KCNK10: variants seen among roughly 807,000 people sequenced by gnomAD.
KCNK10 encodes the protein potassium two pore domain channel subfamily K member 10.
A neutral mutation model predicts 47.7 loss-of-function variants in KCNK10; 25 were observed. The observed-to-expected ratio is 0.52, with a 90% CI of 0.38 to 0.73. The LOEUF (loss-of-function observed/expected upper bound fraction) is 0.73. Among genes scored for constraint, KCNK10 ranks in the 30% least tolerant of loss-of-function variants. KCNK10 has a pLI of 0.00. For missense variants in KCNK10, 563 were observed against 714.5 expected, an observed-to-expected ratio of 0.79 and a Z score of 2.42; for synonymous variants, 303 against 285.6, an observed-to-expected ratio of 1.06 and a Z score of -0.61.
Position 88,186,069 on chromosome 14 carries a change from C to T in KCNK10, c.1098G>A (p.Glu366=). The T allele has an allele frequency of 1.9e-6, 3 of 1,612,706 alleles. No individual in the cohort carries two copies. Among genetic ancestry groups the T allele is most frequent in the South Asian group, 2.2e-5 (2 of 91,020 alleles). The part of the protein sequence containing the change: ...FRETRRRLSV[E]IHDKLQRAAT... ...CCGCCCGCTGCAGCTTATCGTGGATCTCCACGCTGAGCCTTCGCCGTGTCT... is the reference window on the plus strand; with the variant it reads ...CCGCCCGCTGCAGCTTATCGTGGATTTCCACGCTGAGCCTTCGCCGTGTCT... Residue 366 remains glutamate, a synonymous_variant, in exon 7 of 7, where the codon GAG becomes GAA. Transcript: ENST00000319231. This position sits in a 1 kb window ranked among gnomAD's most constrained non-coding sequence, Gnocchi z 5.5.
intron 1 of KCNK10, among the ~76,000 whole-genome samples, chr14:88,311,032 C>T (rs576529798): frequency 1.3e-5 from 2 of 152,196 alleles, no homozygotes; most frequent in East Asian, 3.9e-4. Context: ...AAAATGCAAT[C>T]GCCATTGCTT....
intron 2 of KCNK10, among the ~76,000 whole-genome samples, chr14:88,262,642 A>G (rs1175328633): frequency 6.6e-6 from 1 of 152,102 alleles, no homozygotes; most frequent in Admixed American, 6.6e-5. Context: ...AGTGCCTGAT[A>G]CACAGTAAGT....
chr14:88,275,428 T>C (rs1887505715), intron 1 of KCNK10, among the ~76,000 whole-genome samples: 1 of 152,060 alleles, frequency 6.6e-6, no homozygotes, highest in South Asian at 2.1e-4. Context: ...ATTGCCATCA[T>C]CTCCATTCCA....
At chr14:88,190,700 GA>G (rs145900357) in intron 5 of KCNK10, among the ~76,000 whole-genome samples, 3,683 of 151,712 alleles carry the variant, frequency 0.024, 140 homozygotes, top group African/African-American at 0.084. Context: ...AAAGGAAGGG[GA>G]AAAAAAACCC....
At chr14:88,263,761 TAA>T (rs375830630) in intron 1 of KCNK10, among the ~76,000 whole-genome samples, 3 of 145,252 alleles carry the variant, frequency 2.1e-5, no homozygotes, top group African/African-American at 2.5e-5. Flanking sequence ...GGTCCCAGTT[TAA>T]AAAAAAAAAA....
intron 3 of KCNK10, among the ~76,000 whole-genome samples, chr14:88,237,019 C>T (rs1886319805): frequency 1.3e-5 from 2 of 152,308 alleles, no homozygotes; most frequent in South Asian, 4.1e-4. Context: ...ACATGCAATG[C>T]TGTTAGATAG....
At chr14:88,203,156 G>A (rs1269317868) in intron 4 of KCNK10, among the ~76,000 whole-genome samples, 1 of 152,198 alleles carries the variant, frequency 6.6e-6, no homozygotes, top group Non-Finnish European at 1.5e-5. Flanking sequence ...GCAGTCACAA[G>A]GATGGTTCTT....
At chr14:88,197,005 A>G (rs1327769780) in intron 4 of KCNK10, among the ~76,000 whole-genome samples, 1 of 152,236 alleles carries the variant, frequency 6.6e-6, no homozygotes, top group African/African-American at 2.4e-5. Context: ...GTAAGCACAC[A>G]TCAGTGAGAA....
Position 88,185,488 on chromosome 14 carries a change from C to A in KCNK10, c.*47G>T, listed in dbSNP as rs779653022. ...TCTCAGTGTGAATATTAAAAACACA[C>A]ACACACACACACACAACGCTCAGTC... is the stretch of plus-strand genomic sequence containing the variant. On this transcript the variant is annotated 3_prime_UTR_variant, in exon 7 of 7. Transcript: ENST00000319231. This position sits in a 1 kb window ranked among gnomAD's most constrained non-coding sequence, Gnocchi z 4.3. 2 of 1,566,580 alleles carry A rather than the reference C, an allele frequency of 1.3e-6. No individual in the cohort carries two copies. Among genetic ancestry groups the A allele is most frequent in the South Asian group, 2.4e-5 (2 of 82,174 alleles).
At chr14:88,221,531 T>C (rs544983587) in intron 4 of KCNK10, among the ~76,000 whole-genome samples, 10 of 152,206 alleles carry the variant, frequency 6.6e-5, no homozygotes, top group Admixed American at 5.9e-4. Flanking sequence ...TTGAGAAAAT[T>C]CAGAACACCG....
At chr14:88,253,330 TAA>T (rs1886851365) in intron 2 of KCNK10, among the ~76,000 whole-genome samples, 1 of 152,122 alleles carries the variant, frequency 6.6e-6, no homozygotes, top group South Asian at 2.1e-4. Context: ...CAGTTAACAA[TAA>T]TCTAGTATAT....
intron 1 of KCNK10, among the ~76,000 whole-genome samples, chr14:88,299,526 T>C (rs1198088862): frequency 6.6e-6 from 1 of 152,196 alleles, no homozygotes; most frequent in Non-Finnish European, 1.5e-5. Context: ...ATGTCACAGT[T>C]AGAAAGCTGT....
At chr14:88,266,390 C>T (rs1012594470) in intron 1 of KCNK10, among the ~76,000 whole-genome samples, 1 of 152,182 alleles carries the variant, frequency 6.6e-6, no homozygotes, top group Admixed American at 6.5e-5. Flanking sequence ...CTGGAAAACT[C>T]CCATCCTCTT....
chr14:88,304,809 C>CT (rs141024868), intron 1 of KCNK10, among the ~76,000 whole-genome samples: 1,726 of 152,284 alleles, frequency 0.011, 44 homozygotes, highest in African/African-American at 0.04. Context: ...AGTGCTGTGG[C>CT]TGTGAGTTCA....
chr14:88,220,532 G>C (rs567756680), intron 4 of KCNK10, among the ~76,000 whole-genome samples: 1 of 141,354 alleles, frequency 7.1e-6, no homozygotes, highest in African/African-American at 2.6e-5. Flanking sequence ...AACTAGAATA[G>C]AGAGCCCAAA....
intron 6 of KCNK10, among the ~76,000 whole-genome samples, chr14:88,187,266 T>G (rs1182942919): frequency 6.6e-6 from 1 of 151,674 alleles, no homozygotes; most frequent in Non-Finnish European, 1.5e-5. Context: ...GTTTTTCTTA[T>G]CTCCCTTCCT....
rs901420565 is a variant in KCNK10, at chr14:88,260,572, T to C, written c.402+2630A>G. Among the ~76,000 whole-genome samples the C allele has an allele frequency of 1.3e-5, 2 of 152,056 alleles. No homozygotes were observed. Among genetic ancestry groups the C allele is most frequent in the African/African-American group, 2.4e-5 (1 of 41,402 alleles). ...CCTGTAGACTATTTGGATGAGAGAGTGTACAGTCAGTCCAACCTTGCGCTG... is the reference window on the plus strand; with the variant it reads ...CCTGTAGACTATTTGGATGAGAGAGCGTACAGTCAGTCCAACCTTGCGCTG... On this transcript the variant is annotated intron_variant, in intron 2 of 6. Transcript: ENST00000319231. The surrounding 1 kb of genome is among the most constrained non-coding windows in gnomAD (Gnocchi z 4.5).
intron 4 of KCNK10, among the ~76,000 whole-genome samples, chr14:88,204,071 C>T (rs1885187144): frequency 6.6e-6 from 1 of 152,156 alleles, no homozygotes; most frequent in Non-Finnish European, 1.5e-5. Flanking sequence ...TCTTTGCACT[C>T]CCCTGCATTT....
chr14:88,250,882 C>CTTAAAAAACTTGTAAAAGAAAGTAA (rs1886775684), intron 2 of KCNK10, among the ~76,000 whole-genome samples: 1 of 152,038 alleles, frequency 6.6e-6, no homozygotes, highest in South Asian at 2.1e-4. Context: ...AAAACAGAAA[C>CTTAAAAAACTTGTAAAAGAAAGTAA]AAAAGAATTT....
Sources: allele counts gnomAD v4.1 joint callset (sites outside exome capture counted in the v4.1 genomes callset), GRCh38; gene constraint gnomAD v4.1.1; non-coding constraint Gnocchi (gnomAD v3.1); transcripts MANE v1.5; gene names NCBI Gene and HGNC (gene_info 2026-07-23, HGNC 2026-07-21).